Variants in FABP12 observed in about 807,000 individuals in gnomAD.
FABP12 encodes the protein fatty acid binding protein 12.
FABP12 carries 19 observed loss-of-function variants against 13.7 expected under a neutral mutation model. The ratio of observed to expected loss-of-function variants is 1.39; its 90% CI spans 0.97 to 2.04. FABP12 has a LOEUF of 2.04. Among genes scored for constraint, FABP12 ranks in the 30% most tolerant of loss-of-function variants. The probability of loss-of-function intolerance (pLI) is 0.00; values close to 1 mark genes in which losing one functional copy is unlikely to be tolerated. For missense variants in FABP12, 182 were observed against 164.2 expected, an observed-to-expected ratio of 1.11 and a Z score of -0.59; for synonymous variants, 61 against 57.0, an observed-to-expected ratio of 1.07 and a Z score of -0.32.
chr8:81,578,143 T>C (rs191493559), intron 1 of FABP12, among the ~76,000 whole-genome samples: 31 of 152,348 alleles, frequency 2.0e-4, no homozygotes, highest in Middle Eastern at 3.4e-3. Flanking sequence ...AGAAACTAAA[T>C]TTCCGACATA....
chr8:81,574,086 G>T (rs879529122), intron 1 of FABP12, among the ~76,000 whole-genome samples: 46 of 152,006 alleles, frequency 3.0e-4, no homozygotes, highest in Non-Finnish European at 6.6e-4. Flanking sequence ...GTTGGCTGTG[G>T]GTTTGTCATA....
chr8:81,534,648 C>G (rs1272320813), upstream of FABP12, among the ~76,000 whole-genome samples: 1 of 152,142 alleles, frequency 6.6e-6, no homozygotes, highest in Non-Finnish European at 1.5e-5. Context: ...TAGGAGTTAA[C>G]ATAGCCACAG....
chr8:81,544,726 T>C (rs1049807829), intron 1 of FABP12, among the ~76,000 whole-genome samples: 9 of 151,444 alleles, frequency 5.9e-5, no homozygotes, highest in African/African-American at 2.2e-4. Flanking sequence ...TCTCCCAGAG[T>C]AAATACAAAG....
At chr8:81,580,480 T>C (rs61277244) in intron 1 of FABP12, among the ~76,000 whole-genome samples, 7,364 of 150,086 alleles carry the variant, frequency 0.049, 224 homozygotes, top group East Asian at 0.17. Flanking sequence ...AGGCCAGTGG[T>C]CTGCCCAAGT....
chr8:81,548,785 A>G (rs940216601), intron 1 of FABP12, among the ~76,000 whole-genome samples: 1 of 152,144 alleles, frequency 6.6e-6, no homozygotes. Flanking sequence ...TGAGTATAGC[A>G]TGTATGGTGT....
chr8:81,554,788 C>T (rs916082965), intron 1 of FABP12, among the ~76,000 whole-genome samples: 1 of 151,848 alleles, frequency 6.6e-6, no homozygotes, highest in Non-Finnish European at 1.5e-5. Flanking sequence ...CCAACACTAA[C>T]GATAACTGAT....
chr8:81,552,742 C>T (rs184672064), intron 1 of FABP12, among the ~76,000 whole-genome samples: 191 of 152,206 alleles, frequency 1.3e-3, no homozygotes, highest in Middle Eastern at 3.4e-3. Flanking sequence ...CAGGGCCTGG[C>T]ACACAGTAGA....
chr8:81,562,856 A>G (rs547434448), intron 1 of FABP12, among the ~76,000 whole-genome samples: 3 of 152,326 alleles, frequency 2.0e-5, no homozygotes, highest in Admixed American at 6.5e-5. Context: ...TTACTTACCT[A>G]AGGAGAGGAT....
intron 1 of FABP12, among the ~76,000 whole-genome samples, chr8:81,569,772 T>C (rs1254137672): frequency 6.6e-6 from 1 of 152,194 alleles, no homozygotes; most frequent in East Asian, 1.9e-4. Context: ...CATAAAAGCA[T>C]TCCCTCCAGG....
intron 1 of FABP12, among the ~76,000 whole-genome samples, chr8:81,544,328 A>G (rs917887270): frequency 1.3e-5 from 2 of 152,186 alleles, no homozygotes; most frequent in African/African-American, 2.4e-5. Flanking sequence ...CTCCCTCTGA[A>G]GTTTCTAGGG....
chr8:81,565,872 T>A (rs548606560), intron 1 of FABP12, among the ~76,000 whole-genome samples: 14 of 151,908 alleles, frequency 9.2e-5, no homozygotes, highest in Admixed American at 7.9e-4. Flanking sequence ...AAAAGATCAA[T>A]AAAAGGAAAA....
intron 1 of FABP12, among the ~76,000 whole-genome samples, chr8:81,555,842 G>A (rs544802715): frequency 6.6e-6 from 1 of 152,022 alleles, no homozygotes; most frequent in East Asian, 1.9e-4. Context: ...TAGAGAAGAA[G>A]GTTAACTCAA....
At position 81,589,636 on chromosome 8, in the gene FABP12, C is replaced by A. The variant is rs79721667; in HGVS notation, c.-185+417G>T. Among the ~76,000 whole-genome samples, 39 of 152,324 alleles carry A rather than the reference C, an allele frequency of 2.6e-4. No homozygotes were observed. In the East Asian group the frequency reaches 7.1e-3, roughly 28 times the overall value. On this transcript the variant is annotated intron_variant, in intron 1 of 5. Coordinates refer to the FABP12 transcript ENST00000692030. Reference sequence around the variant, plus strand: ...AGACATTTAAAAAATAAGTATCAATCTTCCTTTTCTTTAGACAGCACCAAA... The same window carrying A: ...AGACATTTAAAAAATAAGTATCAATATTCCTTTTCTTTAGACAGCACCAAA...
At chr8:81,539,998 G>A (rs1809309197) in intron 1 of FABP12, among the ~76,000 whole-genome samples, 1 of 152,158 alleles carries the variant, frequency 6.6e-6, no homozygotes, top group Admixed American at 6.5e-5. Context: ...CCTATGAGCC[G>A]GCATAGGTCA....
At chr8:81,563,338 T>G (rs1809756845) in intron 1 of FABP12, among the ~76,000 whole-genome samples, 2 of 152,192 alleles carry the variant, frequency 1.3e-5, no homozygotes, top group African/African-American at 4.8e-5. Flanking sequence ...AAGCCCAGAT[T>G]GCAAAGACTA....
intron 1 of FABP12, among the ~76,000 whole-genome samples, chr8:81,545,017 G>A (rs934497742): frequency 6.6e-6 from 1 of 152,154 alleles, no homozygotes; most frequent in Non-Finnish European, 1.5e-5. Context: ...AGACTGAGAG[G>A]TTGGGTAACT....
chr8:81,529,431 G>C lies in FABP12; in HGVS notation c.246+7C>G. On this transcript the variant is annotated splice_region_variant and intron_variant, in intron 3 of 4. Transcript: ENST00000360464. The stretch of plus-strand genomic sequence containing the variant: ...AAATGTGTCTGAAAGACTGTCGTAG[G>C]CCTCACCTTTGTTTTGTGGCCACCT... 6.2e-7 allele frequency: 1 copy of C among 1,613,178 alleles called. No homozygotes were observed.
intron 1 of FABP12, among the ~76,000 whole-genome samples, chr8:81,554,954 C>A (rs536387722): frequency 1.3e-5 from 2 of 152,188 alleles, no homozygotes; most frequent in African/African-American, 2.4e-5. Context: ...GTGGTTCTGA[C>A]CTTCAGCCTA....
intron 1 of FABP12, among the ~76,000 whole-genome samples, chr8:81,558,295 C>G (rs1809655538): frequency 6.6e-6 from 1 of 152,108 alleles, no homozygotes; most frequent in African/African-American, 2.4e-5. Context: ...CCATATGGAC[C>G]TAAGAGGGTG....
Sources: allele counts gnomAD v4.1 joint callset (sites outside exome capture counted in the v4.1 genomes callset), GRCh38; gene constraint gnomAD v4.1.1; transcripts MANE v1.5; gene names NCBI Gene and HGNC (gene_info 2026-07-23, HGNC 2026-07-21).